Variants in CLCF1 observed in about 807,000 individuals in gnomAD.
CLCF1 encodes cardiotrophin-like cytokine factor 1.
Under a neutral mutation model 21.2 loss-of-function variants are expected in CLCF1, and 10 were observed. The observed-to-expected ratio is 0.47, with a 90% CI of 0.29 to 0.80. The LOEUF (loss-of-function observed/expected upper bound fraction) is 0.80. CLCF1 is among the 30% of genes least tolerant of loss of function. The pLI, the probability that CLCF1 is intolerant of heterozygous loss-of-function variation, is 0.09. For synonymous variants in CLCF1, 115 were observed against 120.5 expected (o/e 0.95, Z 0.30); for missense variants, 240 against 293.4 (o/e 0.82, Z 1.33).
intron 1 of CLCF1, chr11:67,370,214 TG>T: frequency 2.0e-6 from 2 of 985,366 alleles, no homozygotes; most frequent in Non-Finnish European, 2.4e-6. Flanking sequence ...GAAAGCAGCG[TG>T]GGGTGAACAC....
upstream of CLCF1, chr11:67,373,817 G>A (rs1454893724): frequency 1.9e-6 from 2 of 1,042,954 alleles, no homozygotes; most frequent in South Asian, 4.7e-5. Flanking sequence ...GGCTTCTGGG[G>A]CTCCCTCTCC....
chr11:67,367,535 A>T lies in CLCF1; in HGVS notation c.108T>A (p.Pro36=), dbSNP rs867193. ...PALNRTGDPG[P]GPSIQKTYDL... ...CATAGGTTTTCTGGATGGAGGGGCC[A>T]GGCCCTGGGTCCCCTGTGCGATTGA... Residue 36 remains proline, a synonymous_variant, in exon 2 of 3, where the codon CCT becomes CCA. Transcript: ENST00000312438. 64,927 of 1,614,136 alleles carry T rather than the reference A, an allele frequency of 0.04. 1,938 individuals carry two copies. The highest frequency in any genetic ancestry group is 0.14 in the African/African-American group (10,171 of 75,036).
intron 2 of CLCF1, among the ~76,000 whole-genome samples, chr11:67,366,408 C>A (rs1408628630): frequency 2.0e-5 from 3 of 152,162 alleles, no homozygotes; most frequent in African/African-American, 7.2e-5. Flanking sequence ...AGCTGAGGGG[C>A]TGGGGAGAGA....
chr11:67,369,003 G>T, intron 1 of CLCF1: 1 of 969,974 alleles, frequency 1.0e-6, no homozygotes, highest in Non-Finnish European at 1.2e-6. Context: ...AATGACATAG[G>T]TTGCTTTGAT....
rs1352276992 is a variant in CLCF1 at position 67,372,168 on chromosome 11, G to A, written c.16+1356C>T. The stretch of plus-strand genomic sequence containing the variant: ...GTGTCCCTGGGTTAGGGTCAGAGAA[G>A]GAGGACCCAGTAGAGCAGCGTGCCC... On this transcript the variant is annotated intron_variant, in intron 1 of 2. Transcript: ENST00000312438. This position sits in a 1 kb window ranked among gnomAD's most constrained non-coding sequence, Gnocchi z 5.9. Among the ~76,000 whole-genome samples, 1 of 152,120 alleles carries A rather than the reference G, an allele frequency of 6.6e-6. No homozygotes were observed. The highest frequency in any genetic ancestry group is 1.5e-5 in the Non-Finnish European group (1 of 67,994).
At chr11:67,368,475 A>G (rs1862163187) in intron 1 of CLCF1, 1 of 985,222 alleles carries the variant, frequency 1.0e-6, no homozygotes, top group Admixed American at 6.2e-5. Flanking sequence ...CCAGGATACC[A>G]GGAGTCCAGA....
upstream of CLCF1, chr11:67,373,621 G>C: frequency 7.8e-7 from 1 of 1,283,190 alleles, no homozygotes; most frequent in Non-Finnish European, 9.9e-7. Flanking sequence ...CTCCGGCGAA[G>C]CTTTAATAAT....
rs939575613 is a variant in CLCF1, at chr11:67,368,450, CAG to C, written c.17-826_17-825del. ...TCGGGCTTGTTGGCTGATGGCACTG[CAG>C]AGTTTGGACATCCCAGGATACCAGG... On this transcript the variant is annotated intron_variant, in intron 1 of 2. Transcript: ENST00000312438. 4.1e-6 allele frequency: 4 copies of C among 985,108 alleles called. No homozygotes were observed. In the African/African-American group the frequency reaches 7.0e-5, roughly 17 times the overall value. 61.0% of individuals were successfully genotyped at this position (985,108 alleles called of 1,614,324 possible).
chr11:67,364,960 C>T lies in CLCF1; in HGVS notation c.*176G>A. 1.0e-6 allele frequency: 1 copy of T among 994,996 alleles called. No homozygotes were observed. The highest frequency in any genetic ancestry group is 2.6e-5 in the East Asian group (1 of 38,540). The allele number at this position is 994,996 out of a possible 1,614,324, so 61.6% of individuals were successfully genotyped here. A position where few individuals can be genotyped will look rare whatever the true frequency, so the allele number is the denominator to read the frequency against. ...TGTACCTCCTCCCCAGCTCGGTAGA[C>T]CTTTGGGAGGTGGGGAGGAGACAGG... On this transcript the variant is annotated 3_prime_UTR_variant, in exon 3 of 3. Coordinates refer to ENST00000312438, the MANE Select transcript of CLCF1 (RefSeq NM_013246.3).
chr11:67,373,600 G>A (rs554428933), upstream of CLCF1: 3,011 of 1,295,630 alleles, frequency 2.3e-3, 4 homozygotes, highest in Non-Finnish European at 2.8e-3. Flanking sequence ...GAGTGGGAGG[G>A]CGAGCCGCGG....
At chr11:67,367,701 G>T (rs1862144116) in intron 1 of CLCF1, 75 bp from the exon 2 acceptor site, 3 of 1,559,114 alleles carry the variant, frequency 1.9e-6, no homozygotes, top group African/African-American at 2.7e-5. Context: ...CCCCTCAGGT[G>T]TCTGTCCCCA....
In CLCF1 at chr11:67,365,492, C is replaced by CGTAGTTCT; in HGVS notation, c.314_321dup (p.Glu108ArgfsTer84). The CGTAGTTCT allele has an allele frequency of 6.2e-7, 1 of 1,614,126 alleles. No individual in the cohort carries two copies. The highest frequency in any genetic ancestry group is 8.5e-7 in the Non-Finnish European group (1 of 1,179,980). On this transcript the variant is annotated frameshift_variant, in exon 3 of 3. Coordinates refer to ENST00000312438, the MANE Select transcript of CLCF1 (RefSeq NM_013246.3). LOFTEE classifies it high-confidence loss of function. The surrounding 1 kb of genome is among the most constrained non-coding windows in gnomAD (Gnocchi z 5.0). ...TAACACAGAAGGTGGCTGTAGGCCTCGTAGTTCTGGGTCAGCCGCAGTTTG... is the reference window on the plus strand; with the variant it reads ...TAACACAGAAGGTGGCTGTAGGCCTCGTAGTTCTGTAGTTCTGGGTCAGCCGCAGTTTG...
chr11:67,371,044 G>C, intron 1 of CLCF1: 1 of 985,406 alleles, frequency 1.0e-6, no homozygotes, highest in Non-Finnish European at 1.2e-6. Context: ...GATGGAGTGG[G>C]TTAGGCGGGC....
At chr11:67,366,938 C>T (rs1223621391) in intron 2 of CLCF1, among the ~76,000 whole-genome samples, 4 of 152,242 alleles carry the variant, frequency 2.6e-5, no homozygotes, top group African/African-American at 9.6e-5. Flanking sequence ...ACACCCTAAA[C>T]CCCCTGCCAC....
chr11:67,365,677 G>T lies in CLCF1; in HGVS notation c.184-47C>A. 1 of 1,561,214 alleles carries T rather than the reference G, an allele frequency of 6.4e-7. No individual in the cohort carries two copies. Among genetic ancestry groups the T allele is most frequent in the South Asian group, 1.2e-5 (1 of 83,638 alleles). On this transcript the variant is annotated intron_variant, in intron 2 of 2. Transcript: ENST00000312438. This position sits in a 1 kb window ranked among gnomAD's most constrained non-coding sequence, Gnocchi z 5.0. ...GGGGAAGGAGGAGGGCAGAGCCGCT[G>T]GCTCACCACCAAGGAGATACCTGCT...
At position 67,368,439 on chromosome 11, in the gene CLCF1, T is replaced by A. The variant is rs560027144; in HGVS notation, c.17-813A>T. On this transcript the variant is annotated intron_variant, in intron 1 of 2. Coordinates refer to ENST00000312438, the MANE Select transcript of CLCF1 (RefSeq NM_013246.3). ...CATTTGACGAGTCGGGCTTGTTGGCTGATGGCACTGCAGAGTTTGGACATC... is the reference window on the plus strand; with the variant it reads ...CATTTGACGAGTCGGGCTTGTTGGCAGATGGCACTGCAGAGTTTGGACATC... 2.7e-5 allele frequency: 27 copies of A among 985,232 alleles called. No homozygotes were observed. In the East Asian group the frequency reaches 2.6e-3, roughly 95 times the overall value. The allele number at this position is 985,232 out of a possible 1,614,324, so 61.0% of individuals were successfully genotyped here. A position where few individuals can be genotyped will look rare whatever the true frequency, so the allele number is the denominator to read the frequency against.
rs1472169390 is a variant in CLCF1, at chr11:67,372,532, T to A, written c.16+992A>T. On this transcript the variant is annotated intron_variant, in intron 1 of 2. Coordinates refer to ENST00000312438, the MANE Select transcript of CLCF1 (RefSeq NM_013246.3). The surrounding 1 kb of genome is among the most constrained non-coding windows in gnomAD (Gnocchi z 5.9). ...CGGTGACCTCTCGCTCTGGGACCCC[T>A]CCCGGCGCTGCGCCTTCCCCCTGTG... Among the ~76,000 whole-genome samples the A allele has an allele frequency of 6.6e-6, 1 of 151,344 alleles. No individual in the cohort carries two copies. Among genetic ancestry groups the A allele is most frequent in the Non-Finnish European group, 1.5e-5 (1 of 67,740 alleles).
intron 1 of CLCF1, chr11:67,371,171 C>G (rs999533373): frequency 4.4e-6 from 3 of 675,840 alleles, no homozygotes; most frequent in Non-Finnish European, 5.5e-6. Flanking sequence ...CCCACAGAAA[C>G]CCATCTTCCT....
intron 1 of CLCF1, chr11:67,368,268 G>A (rs1862158740): frequency 6.1e-6 from 6 of 985,212 alleles, no homozygotes; most frequent in Admixed American, 6.1e-5. Flanking sequence ...GGTGGGGTTA[G>A]ATTGAAGGAG....
Sources: gnomAD v4.1 joint callset for allele counts (sites outside exome capture counted in the v4.1 genomes callset) on GRCh38, gnomAD v4.1.1 for gene constraint, Gnocchi (gnomAD v3.1) non-coding constraint, MANE v1.5 for transcripts, NCBI Gene and HGNC (gene_info 2026-07-23, HGNC 2026-07-21) for gene names.